DLG2: variants seen among roughly 807,000 people sequenced by gnomAD.
DLG2 encodes discs large MAGUK scaffold protein 2.
In DLG2, 45 loss-of-function variants were observed where a neutral mutation model predicts 132.5. That is an observed-to-expected ratio of 0.34 (90% CI 0.27 to 0.44). The LOEUF is 0.44. Among genes scored for constraint, DLG2 ranks in the 20% least tolerant of loss-of-function variants. DLG2 has a pLI of 1.00. For synonymous variants in DLG2, 424 were observed against 419.6 expected (o/e 1.01, Z -0.13); for missense variants, 1,045 against 1,196.9 (o/e 0.87, Z 1.87).
At chr11:84,974,686 A>T (rs549919068) in intron 6 of DLG2, among the ~76,000 whole-genome samples, 99 of 152,184 alleles carry the variant, frequency 6.5e-4, no homozygotes, top group Non-Finnish European at 1.3e-3. Context: ...TAGTTCTTCA[A>T]GTGCATTAAA....
chr11:84,262,465 A>G (rs559433575), intron 7 of DLG2, among the ~76,000 whole-genome samples: 2 of 152,286 alleles, frequency 1.3e-5, no homozygotes, highest in South Asian at 4.1e-4. Context: ...CCAAAACTAG[A>G]CATTTATTCA....
rs116077289 is a variant in DLG2 at position 84,110,936 on chromosome 11, C to T, written c.625-11889G>A. On this transcript the variant is annotated intron_variant, in intron 9 of 27. Transcript: ENST00000376104. ...CATTCAGTGAACTAGCTTGTACTTT[C>T]TTCTGTGTAGATTTATATATCCCGA... is the stretch of plus-strand genomic sequence containing the variant. 7.8e-3 allele frequency among the ~76,000 whole-genome samples: 1,195 copies of T among 152,306 alleles called. 16 individuals carry two copies. Among genetic ancestry groups the T allele is most frequent in the African/African-American group, 0.027 (1,139 of 41,572 alleles).
At chr11:84,867,275 T>A (rs936007818) in intron 6 of DLG2, among the ~76,000 whole-genome samples, 5 of 152,224 alleles carry the variant, frequency 3.3e-5, no homozygotes, top group African/African-American at 1.2e-4. Context: ...GAACACGTGC[T>A]GGAAGTGTCT....
At chr11:83,987,426 T>A (rs1314812418) in intron 11 of DLG2, among the ~76,000 whole-genome samples, 25 of 152,144 alleles carry the variant, frequency 1.6e-4, no homozygotes, top group Non-Finnish European at 3.2e-4. Context: ...TGGAGGCATC[T>A]TGCTACCTGA....
At chr11:84,826,619 G>A (rs2153987779) in intron 6 of DLG2, among the ~76,000 whole-genome samples, 1 of 151,886 alleles carries the variant, frequency 6.6e-6, no homozygotes, top group Admixed American at 6.6e-5. Flanking sequence ...AAGCTACTTA[G>A]TCCAGGCCTA....
intron 3 of DLG2, among the ~76,000 whole-genome samples, chr11:85,570,503 T>C (rs2077786004): frequency 6.6e-6 from 1 of 152,184 alleles, no homozygotes; most frequent in Non-Finnish European, 1.5e-5. Flanking sequence ...CTCTCTTTCT[T>C]CTTTTAAAAT....
At chr11:85,454,880 T>C (rs2092369401) in intron 3 of DLG2, among the ~76,000 whole-genome samples, 1 of 152,178 alleles carries the variant, frequency 6.6e-6, no homozygotes, top group Non-Finnish European at 1.5e-5. Flanking sequence ...TTCCGTTTCA[T>C]TGGTCTATGT....
intron 7 of DLG2, among the ~76,000 whole-genome samples, chr11:84,415,186 C>A (rs1259364873): frequency 6.6e-6 from 1 of 152,112 alleles, no homozygotes; most frequent in African/African-American, 2.4e-5. Flanking sequence ...AGAACTTGTT[C>A]TGGAAATGTG....
chr11:85,285,087 T>A, intron 4 of DLG2, 133 bp downstream of exon 4: 1 of 703,620 alleles, frequency 1.4e-6, no homozygotes, highest in Non-Finnish European at 2.2e-6. Context: ...GAAAATTGCA[T>A]ACAGTATGGT....
At chr11:84,040,178 C>CA (rs1219658711) in intron 11 of DLG2, among the ~76,000 whole-genome samples, 1 of 150,378 alleles carries the variant, frequency 6.6e-6, no homozygotes, top group African/African-American at 2.4e-5. Context: ...GTTGCCTGTT[C>CA]ACTCTGATGG....
intron 3 of DLG2, among the ~76,000 whole-genome samples, chr11:85,290,472 A>T (rs1419728038): frequency 6.6e-6 from 1 of 151,922 alleles, no homozygotes; most frequent in East Asian, 1.9e-4. Flanking sequence ...TAAGAATTTC[A>T]TACTCTCAAT....
chr11:84,529,719 T>C (rs2099330655), intron 7 of DLG2, among the ~76,000 whole-genome samples: 1 of 152,168 alleles, frequency 6.6e-6, no homozygotes. Flanking sequence ...CCATACTCCC[T>C]AAAGCAATTT....
intron 3 of DLG2, among the ~76,000 whole-genome samples, chr11:85,520,581 T>A (rs1367476460): frequency 6.9e-6 from 1 of 145,314 alleles, no homozygotes; most frequent in Non-Finnish European, 1.5e-5. Flanking sequence ...AGAACAAAAC[T>A]GAAGGAATCA....
intron 18 of DLG2, among the ~76,000 whole-genome samples, chr11:83,648,782 T>G (rs2069077047): frequency 6.6e-6 from 1 of 152,186 alleles, no homozygotes; most frequent in Admixed American, 6.5e-5. Context: ...AGACATTTCC[T>G]GGTTTCAACA....
intron 3 of DLG2, among the ~76,000 whole-genome samples, chr11:85,497,404 G>A (rs191207593): frequency 3.0e-4 from 46 of 152,046 alleles, no homozygotes; most frequent in African/African-American, 1.1e-3. Flanking sequence ...AAAGAACAAA[G>A]CCTCCAAGAA....
intron 18 of DLG2, among the ~76,000 whole-genome samples, chr11:83,704,777 A>C (rs1007736513): frequency 2.0e-5 from 3 of 152,178 alleles, no homozygotes; most frequent in African/African-American, 7.2e-5. Context: ...CAGTGAGCCG[A>C]GATCACGCCA....
intron 3 of DLG2, among the ~76,000 whole-genome samples, chr11:85,513,852 C>T (rs1565616585): frequency 1.3e-5 from 2 of 151,936 alleles, no homozygotes; most frequent in Admixed American, 6.6e-5. Context: ...CAACAATCTC[C>T]CAAATCCCCC....
chr11:84,360,087 C>A (rs560673778), intron 7 of DLG2, among the ~76,000 whole-genome samples: 2 of 151,742 alleles, frequency 1.3e-5, no homozygotes, highest in Non-Finnish European at 2.9e-5. Context: ...TGCAATCAAT[C>A]GTGCAGGTGA....
intron 3 of DLG2, among the ~76,000 whole-genome samples, chr11:85,313,872 C>T (rs114984693): frequency 8.6e-4 from 130 of 151,994 alleles, no homozygotes; most frequent in African/African-American, 2.9e-3. Context: ...TTGCAAAACT[C>T]ATTGGGTCTC....
Sources: allele counts gnomAD v4.1 joint callset (sites outside exome capture counted in the v4.1 genomes callset), GRCh38; gene constraint gnomAD v4.1.1; transcripts MANE v1.5; gene names NCBI Gene and HGNC (gene_info 2026-07-23, HGNC 2026-07-21).